ATP8A2: variants seen among roughly 807,000 people sequenced by gnomAD.
ATP8A2 encodes ATPase phospholipid transporting 8A2.
A neutral mutation model predicts 165.6 loss-of-function variants in ATP8A2; 100 were observed. The ratio of observed to expected loss-of-function variants is 0.60; its 90% CI spans 0.51 to 0.71. The LOEUF (loss-of-function observed/expected upper bound fraction) is 0.71. ATP8A2 is among the 30% of genes least tolerant of loss of function. The pLI, the probability that ATP8A2 is intolerant of heterozygous loss-of-function variation, is 0.00. For missense variants in ATP8A2, 1,227 were observed against 1,479.5 expected, an observed-to-expected ratio of 0.83 and a Z score of 2.80; for synonymous variants, 543 against 548.8, an observed-to-expected ratio of 0.99 and a Z score of 0.15.
chr13:25,559,884 G>C, intron 15 of ATP8A2, 119 bp downstream of exon 15: 2 of 737,978 alleles, frequency 2.7e-6, no homozygotes, highest in Non-Finnish European at 4.6e-6. Flanking sequence ...ATGGAGTGCA[G>C]TGATACTGTC....
At chr13:25,628,306 C>T (rs146391850) in intron 24 of ATP8A2, among the ~76,000 whole-genome samples, 40 of 152,320 alleles carry the variant, frequency 2.6e-4, no homozygotes, top group African/African-American at 9.4e-4. Context: ...TTTAAGATAA[C>T]ATCACACAGC....
At chr13:25,980,860 G>C (rs562668034) in intron 35 of ATP8A2, among the ~76,000 whole-genome samples, 59 of 152,196 alleles carry the variant, frequency 3.9e-4, no homozygotes, top group African/African-American at 1.3e-3. Context: ...TCCAGCCTGG[G>C]CAACATAGCA....
At chr13:25,379,735 C>T (rs530856733) in intron 1 of ATP8A2, among the ~76,000 whole-genome samples, 85 of 152,266 alleles carry the variant, frequency 5.6e-4, no homozygotes, top group African/African-American at 1.8e-3. Flanking sequence ...CCCTGCTAAG[C>T]GTGTAAGATA....
At chr13:25,658,172 A>T (rs10492431) in intron 24 of ATP8A2, among the ~76,000 whole-genome samples, 5,241 of 152,308 alleles carry the variant, frequency 0.034, 156 homozygotes, top group East Asian at 0.13. Context: ...CAGCTAACAG[A>T]TATTTGGCTG....
chr13:25,979,669 A>C (rs1219313655), intron 35 of ATP8A2, among the ~76,000 whole-genome samples: 2 of 152,184 alleles, frequency 1.3e-5, no homozygotes, highest in Non-Finnish European at 2.9e-5. Flanking sequence ...GACATTTATT[A>C]AAAACGGAGG....
At chr13:25,416,637 C>G (rs529632728) in intron 1 of ATP8A2, among the ~76,000 whole-genome samples, 32 of 152,320 alleles carry the variant, frequency 2.1e-4, no homozygotes, top group South Asian at 4.1e-4. Flanking sequence ...ACCCGTATCA[C>G]TCTCCCACCC....
intron 27 of ATP8A2, among the ~76,000 whole-genome samples, chr13:25,801,202 C>T (rs746549065): frequency 6.6e-6 from 1 of 152,192 alleles, no homozygotes; most frequent in African/African-American, 2.4e-5. Context: ...TACTCTACTT[C>T]GGAGTGCAGT....
At chr13:25,513,817 C>G (rs189991018) in intron 2 of ATP8A2, among the ~76,000 whole-genome samples, 2 of 152,148 alleles carry the variant, frequency 1.3e-5, no homozygotes, top group African/African-American at 4.8e-5. Context: ...ACCAGTCAGG[C>G]GTGGCGGCGC....
intron 25 of ATP8A2, among the ~76,000 whole-genome samples, chr13:25,740,808 G>T (rs766555014): frequency 2.0e-4 from 31 of 152,230 alleles, no homozygotes; most frequent in Non-Finnish European, 4.3e-4. Flanking sequence ...GACTGGGTTA[G>T]TGTGTCAGCT....
intron 1 of ATP8A2, among the ~76,000 whole-genome samples, chr13:25,452,350 A>T (rs545306241): frequency 1.3e-5 from 2 of 152,226 alleles, no homozygotes; most frequent in African/African-American, 2.4e-5. Context: ...TAGGTGCAAC[A>T]GGGTTGAAGG....
At chr13:25,676,500 G>T (rs1016540215) in intron 24 of ATP8A2, among the ~76,000 whole-genome samples, 5 of 152,052 alleles carry the variant, frequency 3.3e-5, no homozygotes, top group Non-Finnish European at 5.9e-5. Context: ...TCTGCCTCAG[G>T]ACATTGCAGC....
chr13:25,376,460 G>T lies in ATP8A2; in HGVS notation c.76+4172G>T, dbSNP rs79969660. 7.2e-3 allele frequency among the ~76,000 whole-genome samples: 1,091 copies of T among 152,316 alleles called. 34 individuals are homozygous for T. The East Asian group carries it at 0.1, about 14-fold the overall frequency. ...AGTATATCTAGGGGTTAAAACCCCA[G>T]AATTTAGGGTTAAAGAGAATTGAAT... On this transcript the variant is annotated intron_variant, in intron 1 of 36. Transcript: ENST00000381655.
At chr13:25,705,808 T>C (rs61592456) in intron 25 of ATP8A2, among the ~76,000 whole-genome samples, 2,433 of 152,350 alleles carry the variant, frequency 0.016, 59 homozygotes, top group African/African-American at 0.055. Context: ...AAAACACTTT[T>C]CATTGGACGA....
intron 22 of ATP8A2, among the ~76,000 whole-genome samples, chr13:25,580,871 T>C (rs2039756863): frequency 6.6e-6 from 1 of 152,228 alleles, no homozygotes; most frequent in Non-Finnish European, 1.5e-5. Flanking sequence ...CCATCACTTA[T>C]TTACTGTTTT....
At chr13:25,490,393 A>G (rs965807471) in intron 2 of ATP8A2, among the ~76,000 whole-genome samples, 1 of 152,206 alleles carries the variant, frequency 6.6e-6, no homozygotes, top group African/African-American at 2.4e-5. Flanking sequence ...CGGGGCTCCC[A>G]TGCCTGAAGC....
At chr13:25,630,360 G>A (rs149092895) in intron 24 of ATP8A2, among the ~76,000 whole-genome samples, 178 of 152,280 alleles carry the variant, frequency 1.2e-3, no homozygotes, top group South Asian at 6.8e-3. Context: ...AAGTGGCAGC[G>A]TTGATCTCCA....
At chr13:25,611,306 T>C (rs2040680828) in intron 24 of ATP8A2, among the ~76,000 whole-genome samples, 1 of 151,972 alleles carries the variant, frequency 6.6e-6, no homozygotes, top group African/African-American at 2.4e-5. Flanking sequence ...GACTTTACAT[T>C]GAGGTATGTC....
At chr13:25,623,970 G>C (rs1052070540) in intron 24 of ATP8A2, among the ~76,000 whole-genome samples, 1 of 152,116 alleles carries the variant, frequency 6.6e-6, no homozygotes, top group African/African-American at 2.4e-5. Flanking sequence ...TATTGTGTGT[G>C]TGTGTGTGAG....
chr13:25,563,575 A>G (rs1364927674), intron 15 of ATP8A2, among the ~76,000 whole-genome samples: 2 of 152,166 alleles, frequency 1.3e-5, no homozygotes, highest in Admixed American at 6.5e-5. Flanking sequence ...GATTGCATGT[A>G]TACAGTGCAA....
Sources: allele counts gnomAD v4.1 joint callset (sites outside exome capture counted in the v4.1 genomes callset), GRCh38; gene constraint gnomAD v4.1.1; transcripts MANE v1.5; gene names NCBI Gene and HGNC (gene_info 2026-07-23, HGNC 2026-07-21).